SLC16A7: variants seen among roughly 807,000 people sequenced by gnomAD.
SLC16A7 encodes monocarboxylate transporter 2.
SLC16A7 carries 33 observed loss-of-function variants against 34.9 expected under a neutral mutation model. The ratio of observed to expected loss-of-function variants is 0.94; its 90% CI spans 0.72 to 1.26. The LOEUF (loss-of-function observed/expected upper bound fraction) is 1.26. SLC16A7 is among the 50% of genes most tolerant of loss of function. The pLI is 0.00. For missense variants in SLC16A7, 573 were observed against 578.1 expected (o/e 0.99, Z 0.09); for synonymous variants, 201 against 206.6 (o/e 0.97, Z 0.23).
intron 2 of SLC16A7, among the ~76,000 whole-genome samples, chr12:59,683,975 T>A (rs551374399): frequency 6.6e-6 from 1 of 152,322 alleles, no homozygotes; most frequent in African/African-American, 2.4e-5. Flanking sequence ...ATTAGAAAGC[T>A]ATAGCTCATC....
intron 3 of SLC16A7, among the ~76,000 whole-genome samples, chr12:59,726,885 A>G (rs1395522285): frequency 6.6e-6 from 1 of 152,128 alleles, no homozygotes. Flanking sequence ...GATTGTCTAG[A>G]GATTTATGCT....
chr12:59,720,012 A>G lies in SLC16A7; in HGVS notation c.217+14994A>G, dbSNP rs1404028160. 5.9e-6 allele frequency: 4 copies of G among 675,806 alleles called. No individual in the cohort carries two copies. In the African/African-American group the frequency reaches 7.3e-5, roughly 12 times the overall value. 41.9% of individuals were successfully genotyped at this position (675,806 alleles called of 1,614,324 possible). A position where few individuals can be genotyped will look rare whatever the true frequency, so the allele number is the denominator to read the frequency against. On this transcript the variant is annotated intron_variant, in intron 3 of 5. Coordinates refer to ENST00000547379, the MANE Select transcript of SLC16A7 (RefSeq NM_001270623.2). ...CTGGGTCTACCTGACTTTGAATCTCATGTTTTTGTAAACTTTTCTGGAATA... is the reference window on the plus strand; with the variant it reads ...CTGGGTCTACCTGACTTTGAATCTCGTGTTTTTGTAAACTTTTCTGGAATA...
chr12:59,766,542 G>T (rs996963283), intron 3 of SLC16A7, among the ~76,000 whole-genome samples: 3 of 152,120 alleles, frequency 2.0e-5, no homozygotes, highest in Admixed American at 1.3e-4. Flanking sequence ...TAGCATGAAG[G>T]ATTGTTGAAT....
chr12:59,762,663 T>C (rs1308179121), intron 3 of SLC16A7, among the ~76,000 whole-genome samples: 1 of 151,972 alleles, frequency 6.6e-6, no homozygotes, highest in Admixed American at 6.6e-5. Flanking sequence ...TCAAAATTAG[T>C]CTGGTTAAGT....
At chr12:59,672,013 G>GTA (rs1242749284) in intron 2 of SLC16A7, among the ~76,000 whole-genome samples, 350 of 374 alleles carry the variant, frequency 0.94, 170 homozygotes, top group South Asian at 1. Flanking sequence ...CCATATATCC[G>GTA]TATATATGTG....
chr12:59,628,535 G>C (rs955976884), intron 1 of SLC16A7, among the ~76,000 whole-genome samples: 1 of 151,780 alleles, frequency 6.6e-6, no homozygotes, highest in South Asian at 2.1e-4. Context: ...TCATAGAGCC[G>C]TAAACAAACC....
chr12:59,724,511 T>TTGCAAAG (rs1169365581), intron 3 of SLC16A7, among the ~76,000 whole-genome samples: 5 of 151,978 alleles, frequency 3.3e-5, no homozygotes, highest in Admixed American at 2.6e-4. Flanking sequence ...TAAATACATG[T>TTGCAAAG]TGCAAAGTGC....
At position 59,720,497 on chromosome 12, in the gene SLC16A7, C is replaced by T. The variant is rs963798936; in HGVS notation, c.217+15479C>T. Among the ~76,000 whole-genome samples the T allele has an allele frequency of 5.9e-5, 9 of 152,030 alleles. 1 individual carries two copies. The highest frequency in any genetic ancestry group is 5.2e-4 in the Admixed American group (8 of 15,244). On this transcript the variant is annotated intron_variant, in intron 3 of 5. Transcript: ENST00000547379. ...CCGGTATCTCCTTAAGTGTGTTATCCATCCCTTCTAAATTTTAGTGATTTT... is the reference window on the plus strand; with the variant it reads ...CCGGTATCTCCTTAAGTGTGTTATCTATCCCTTCTAAATTTTAGTGATTTT...
intron 3 of SLC16A7, among the ~76,000 whole-genome samples, chr12:59,738,397 A>T (rs946057043): frequency 6.6e-6 from 1 of 152,196 alleles, no homozygotes; most frequent in Non-Finnish European, 1.5e-5. Context: ...ACTTGTTTCC[A>T]TATCAAACTG....
intron 1 of SLC16A7, among the ~76,000 whole-genome samples, chr12:59,632,263 T>C (rs1316725566): frequency 1.3e-5 from 2 of 152,020 alleles, no homozygotes; most frequent in Admixed American, 6.6e-5. Context: ...TATGCACTTT[T>C]AACAAAGTAT....
At chr12:59,703,035 T>C (rs1430090051) in intron 2 of SLC16A7, among the ~76,000 whole-genome samples, 1 of 152,100 alleles carries the variant, frequency 6.6e-6, no homozygotes, top group Admixed American at 6.6e-5. Context: ...TAAAAAGCAT[T>C]TATTTAGCAT....
intron 3 of SLC16A7, among the ~76,000 whole-genome samples, chr12:59,753,108 C>T (rs1273440506): frequency 6.6e-6 from 1 of 152,176 alleles, no homozygotes; most frequent in East Asian, 1.9e-4. Context: ...GAAGGAAGCA[C>T]TAAACCTGGA....
intron 1 of SLC16A7, among the ~76,000 whole-genome samples, chr12:59,623,410 G>A (rs1592402410): frequency 6.6e-6 from 1 of 151,472 alleles, no homozygotes; most frequent in African/African-American, 2.4e-5. Context: ...TGGTATTGAA[G>A]CTTTCAATTC....
At chr12:59,662,594 T>G (rs1394889049) in intron 2 of SLC16A7, among the ~76,000 whole-genome samples, 3 of 152,126 alleles carry the variant, frequency 2.0e-5, no homozygotes, top group Non-Finnish European at 4.4e-5. Context: ...TTGGCTTTTC[T>G]TTTTCTCAAA....
At chr12:59,608,892 T>A (rs1177506841) in intron 1 of SLC16A7, among the ~76,000 whole-genome samples, 1 of 152,196 alleles carries the variant, frequency 6.6e-6, no homozygotes, top group East Asian at 1.9e-4. Flanking sequence ...CCAACAAATA[T>A]TTTAAATGCC....
chr12:59,696,631 T>C (rs2137113903), intron 2 of SLC16A7: 1 of 152,078 alleles, frequency 6.6e-6, no homozygotes, highest in African/African-American at 2.4e-5. Flanking sequence ...TGTTACAGAA[T>C]TGGGCATAGG....
chr12:59,711,801 C>T (rs1039612741), intron 3 of SLC16A7, among the ~76,000 whole-genome samples: 10 of 152,162 alleles, frequency 6.6e-5, no homozygotes, highest in Non-Finnish European at 1.5e-4. Context: ...ACCACACCCA[C>T]CCAGCCCTAA....
intron 3 of SLC16A7, among the ~76,000 whole-genome samples, chr12:59,742,174 TGCATCTGAG>T (rs1254057235): frequency 6.6e-6 from 1 of 152,174 alleles, no homozygotes; most frequent in Non-Finnish European, 1.5e-5. Flanking sequence ...TGCACACATG[TGCATCTGAG>T]GCTTTCTTCC....
In SLC16A7 at chr12:59,784,876, G is replaced by A. The variant is rs184845327; in HGVS notation, c.*5197G>A. On this transcript the variant is annotated 3_prime_UTR_variant, in exon 6 of 6. Transcript: ENST00000547379. ...GTGCCTGACAATATTGAGTAACAAAGCTTACCATCACCACATTGCACCATT... is the reference window on the plus strand; with the variant it reads ...GTGCCTGACAATATTGAGTAACAAAACTTACCATCACCACATTGCACCATT... The A allele has an allele frequency of 5.2e-4, 79 of 152,292 alleles. 2 individuals are homozygous for A. The highest frequency in any genetic ancestry group is 1.9e-3 in the African/African-American group (77 of 41,568). 9.4% of individuals were successfully genotyped at this position (152,292 alleles called of 1,614,324 possible). A position where few individuals can be genotyped will look rare whatever the true frequency, so the allele number is the denominator to read the frequency against.
Sources: gnomAD v4.1 joint callset for allele counts (sites outside exome capture counted in the v4.1 genomes callset) on GRCh38, gnomAD v4.1.1 for gene constraint, MANE v1.5 for transcripts, NCBI Gene and HGNC (gene_info 2026-07-23, HGNC 2026-07-21) for gene names.